PIP5K1B: variants seen among roughly 807,000 people sequenced by gnomAD.
The protein encoded by PIP5K1B is phosphatidylinositol 4-phosphate 5-kinase type-1 beta.
PIP5K1B carries 42 observed loss-of-function variants against 67.0 expected under a neutral mutation model. That is an observed-to-expected ratio of 0.63 (90% confidence interval 0.49 to 0.81). PIP5K1B has a LOEUF of 0.81. Ranked by LOEUF, PIP5K1B falls within the 30% of genes least tolerant of loss-of-function variation. The pLI is 0.00. For missense variants in PIP5K1B, 459 were observed against 646.3 expected (o/e 0.71, Z 3.14); for synonymous variants, 214 against 231.4 (o/e 0.92, Z 0.68).
intron 14 of PIP5K1B, among the ~76,000 whole-genome samples, chr9:68,966,164 A>G (rs955456870): frequency 6.6e-6 from 1 of 152,152 alleles, no homozygotes; most frequent in Non-Finnish European, 1.5e-5. Context: ...TTAATATATG[A>G]TTGAATAAAT....
At chr9:68,871,513 A>T (rs4745353) in intron 5 of PIP5K1B, among the ~76,000 whole-genome samples, 67,010 of 152,018 alleles carry the variant, frequency 0.44, 14,948 homozygotes, top group South Asian at 0.51. Flanking sequence ...TTAGACTAAG[A>T]CAAGCAGTAG....
intron 4 of PIP5K1B, among the ~76,000 whole-genome samples, chr9:68,845,615 G>A (rs1262648913): frequency 6.6e-6 from 1 of 152,200 alleles, no homozygotes; most frequent in Non-Finnish European, 1.5e-5. Flanking sequence ...GCTGCAGGCA[G>A]GTGGGAGAAG....
intron 14 of PIP5K1B, among the ~76,000 whole-genome samples, chr9:68,961,611 G>A (rs1828753739): frequency 6.6e-6 from 1 of 152,142 alleles, no homozygotes; most frequent in Admixed American, 6.5e-5. Context: ...TTCTTCTTGG[G>A]TTGATTAGAT....
chr9:68,780,677 T>A, intron 2 of PIP5K1B: 1 of 1,614,162 alleles, frequency 6.2e-7, no homozygotes, highest in South Asian at 1.1e-5. Context: ...ACGGATTGCC[T>A]CCAAGCCCTA....
rs1828186192 is a variant in PIP5K1B at position 68,727,021 on chromosome 9, T to A, written c.-242-15480T>A. On this transcript the variant is annotated intron_variant, in intron 1 of 15. Transcript: ENST00000265382. ...GCACACATATTTTTTATATAGACAA[T>A]CATGTTGTCTATGAATGAAGATAGT... Among the ~76,000 whole-genome samples, 4 of 151,992 alleles carry A rather than the reference T, an allele frequency of 2.6e-5. No individual in the cohort carries two copies. In the South Asian group the frequency reaches 8.3e-4, roughly 32 times the overall value.
intron 1 of PIP5K1B, among the ~76,000 whole-genome samples, chr9:68,733,229 A>G (rs569296649): frequency 1.3e-5 from 2 of 152,350 alleles, no homozygotes; most frequent in African/African-American, 4.8e-5. Flanking sequence ...CCGTCTGTAC[A>G]CATGCAGTAT....
At chr9:68,933,281 AG>A (rs1827094907) in intron 12 of PIP5K1B, among the ~76,000 whole-genome samples, 1 of 114,000 alleles carries the variant, frequency 8.8e-6, no homozygotes, top group Non-Finnish European at 1.9e-5. Context: ...CAGAACTTAA[AG>A]AAAAATAAAA....
At position 68,924,401 on chromosome 9, in the gene PIP5K1B, C is replaced by CAA. The variant is rs71353093; in HGVS notation, c.1201+1038_1201+1039dup. The stretch of plus-strand genomic sequence containing the variant: ...TGGGCAACAGAGTGACACTGCGCCT[C>CAA]AAAAAAAAAAAAAAAAAAAAAAAAT... On this transcript the variant is annotated intron_variant, in intron 12 of 15. Coordinates refer to ENST00000265382, the MANE Select transcript of PIP5K1B (RefSeq NM_003558.4). Among the ~76,000 whole-genome samples the CAA allele has an allele frequency of 2.2e-3, 189 of 86,694 alleles. 1 individual carries two copies. The highest frequency in any genetic ancestry group is 0.016 in the East Asian group (51 of 3,122). The allele number at this position is 86,694 out of a possible 152,430, so 56.9% of individuals were successfully genotyped here. A position where few individuals can be genotyped will look rare whatever the true frequency, so the allele number is the denominator to read the frequency against.
intron 2 of PIP5K1B, among the ~76,000 whole-genome samples, chr9:68,787,029 G>T (rs747389852): frequency 6.6e-6 from 1 of 152,158 alleles, no homozygotes; most frequent in Non-Finnish European, 1.5e-5. Flanking sequence ...ACCATGACAC[G>T]CAACCTCTGG....
intron 11 of PIP5K1B, among the ~76,000 whole-genome samples, chr9:68,920,784 T>TCTCTCTCTCTCACACACA (rs879785029): frequency 7.0e-6 from 1 of 142,136 alleles, no homozygotes; most frequent in African/African-American, 2.8e-5. Flanking sequence ...TCTCTCTCTC[T>TCTCTCTCTCTCACACACA]CACACACATA....
intron 8 of PIP5K1B, among the ~76,000 whole-genome samples, chr9:68,902,038 G>A (rs554003477): frequency 5.9e-5 from 9 of 152,254 alleles, no homozygotes; most frequent in African/African-American, 2.2e-4. Context: ...GCACAATCTT[G>A]CACAACCTTA....
chr9:68,941,170 C>G, intron 14 of PIP5K1B: 1 of 454,464 alleles, frequency 2.2e-6, no homozygotes, highest in Non-Finnish European at 4.4e-6. Flanking sequence ...TATGTGTGAT[C>G]TTAGTGACTA....
intron 12 of PIP5K1B, among the ~76,000 whole-genome samples, chr9:68,928,624 C>G (rs1405453257): frequency 6.6e-6 from 1 of 152,144 alleles, no homozygotes; most frequent in East Asian, 1.9e-4. Flanking sequence ...CCTAATACCA[C>G]TTATTGAATA....
intron 4 of PIP5K1B, among the ~76,000 whole-genome samples, chr9:68,854,589 A>G (rs1048409603): frequency 3.3e-5 from 5 of 152,252 alleles, no homozygotes; most frequent in South Asian, 4.1e-4. Context: ...CAATCATTAC[A>G]TAGGTTTGTT....
rs1415966210 is a variant in PIP5K1B, at chr9:68,705,412, C to A, written c.-593C>A. The A allele has an allele frequency of 6.6e-6, 1 of 151,702 alleles. No homozygotes were observed. Among genetic ancestry groups the A allele is most frequent in the South Asian group, 2.1e-4 (1 of 4,842 alleles). 9.4% of individuals were successfully genotyped at this position (151,702 alleles called of 1,614,324 possible). Reference sequence around the variant, plus strand: ...GAGCTGCTGGGCTTTGGCGGCCGCTCGCTGCTCCGTCTGGCCGGAGGACCG... The same window carrying A: ...GAGCTGCTGGGCTTTGGCGGCCGCTAGCTGCTCCGTCTGGCCGGAGGACCG... On this transcript the variant is annotated 5_prime_UTR_variant, in exon 1 of 16. Transcript: ENST00000265382.
At chr9:68,793,135 C>T (rs1832090519) in intron 2 of PIP5K1B, among the ~76,000 whole-genome samples, 2 of 70,884 alleles carry the variant, frequency 2.8e-5, no homozygotes, top group Non-Finnish European at 5.9e-5. Context: ...GTGTAAGGAA[C>T]AGGAGCTCAG....
chr9:68,745,234 C>T (rs948173064), intron 2 of PIP5K1B, among the ~76,000 whole-genome samples: 5 of 152,182 alleles, frequency 3.3e-5, no homozygotes, highest in African/African-American at 1.2e-4. Flanking sequence ...GGCAGGTACT[C>T]TTATCTCTTC....
At chr9:68,989,179 T>G (rs1830248453) in intron 14 of PIP5K1B, among the ~76,000 whole-genome samples, 1 of 150,718 alleles carries the variant, frequency 6.6e-6, no homozygotes, top group South Asian at 2.1e-4. Context: ...GGGCTTTTAA[T>G]ATTTCACATA....
At chr9:68,953,003 C>T (rs1285023902) in intron 14 of PIP5K1B, among the ~76,000 whole-genome samples, 1 of 152,106 alleles carries the variant, frequency 6.6e-6, no homozygotes. Flanking sequence ...GGGACCTTTT[C>T]AACCTGCAAA....
Sources: allele counts gnomAD v4.1 joint callset (sites outside exome capture counted in the v4.1 genomes callset), GRCh38; gene constraint gnomAD v4.1.1; transcripts MANE v1.5; gene names NCBI Gene and HGNC (gene_info 2026-07-23, HGNC 2026-07-21).